The following IRAG2 variants were observed in gnomAD, a reference collection of about 807,000 sequenced individuals.
IRAG2 encodes inositol 1,4,5-triphosphate receptor associated 2.
Under a neutral mutation model 69.9 loss-of-function variants are expected in IRAG2, and 45 were observed. The ratio of observed to expected loss-of-function variants is 0.64; its 90% CI spans 0.51 to 0.83. The LOEUF is 0.83. Among genes scored for constraint, IRAG2 ranks in the 40% least tolerant of loss-of-function variants. The pLI is 0.00. For missense variants in IRAG2, 520 were observed against 587.0 expected (o/e 0.89, Z 1.18); for synonymous variants, 193 against 202.4 (o/e 0.95, Z 0.40).
chr12:25,053,830 G>A (rs2139897501), intron 1 of IRAG2, among the ~76,000 whole-genome samples: 1 of 151,288 alleles, frequency 6.6e-6, no homozygotes, highest in East Asian at 1.9e-4. Flanking sequence ...CTTAAGGTAG[G>A]CTAGAGATGA....
At chr12:25,090,816 G>A (rs771326613) in intron 14 of IRAG2, 76 of 451,490 alleles carry the variant, frequency 1.7e-4, no homozygotes, top group Middle Eastern at 6.6e-4. Context: ...CAAATTTCAG[G>A]CAGAAAAGGA....
intron 1 of IRAG2, among the ~76,000 whole-genome samples, chr12:25,060,920 G>A (rs1945589745): frequency 6.6e-6 from 1 of 151,736 alleles, no homozygotes; most frequent in Non-Finnish European, 1.5e-5. Context: ...CACCCACCTT[G>A]GTCTCTCAAA....
intron 20 of IRAG2, among the ~76,000 whole-genome samples, chr12:25,105,312 G>A (rs533133857): frequency 3.7e-4 from 56 of 152,110 alleles, no homozygotes; most frequent in Middle Eastern, 6.8e-3. Context: ...TCCTGACCTC[G>A]TGATCCGCCC....
chr12:25,067,706 G>C (rs1440451694), intron 5 of IRAG2, among the ~76,000 whole-genome samples: 1 of 148,074 alleles, frequency 6.8e-6, no homozygotes, highest in Non-Finnish European at 1.5e-5. Context: ...ATCTCACTCT[G>C]TCACCCAGGC....
Position 25,083,435 on chromosome 12 carries a change from C to T in IRAG2, c.257C>T (p.Ala86Val), listed in dbSNP as rs377467286. The T allele has an allele frequency of 6.2e-6, 10 of 1,610,954 alleles. No individual in the cohort carries two copies. The Admixed American group carries it at 1.7e-4, about 27-fold the overall frequency. Residue 86 changes from alanine (A) to valine (V), a missense_variant, in exon 10 of 22, where the codon GCT becomes GTT. By Grantham distance (64) the Ala-to-Val change is moderately conservative. Transcript: ENST00000556887. ...PTIEAQGTSP[A>V]HDNIAFQDST... ...CTGTTTCTCACAGGCACAAGTCCAG[C>T]TCATGATAATATTGCATTCCAAGAC...
chr12:25,087,180 T>TTGTTG (rs1555141786), intron 10 of IRAG2, among the ~76,000 whole-genome samples: 1 of 125,170 alleles, frequency 8.0e-6, no homozygotes, highest in African/African-American at 3.1e-5. Context: ...TTTTTTTTTT[T>TTGTTG]TTGTTGAGAC....
chr12:25,091,399 G>C (rs561658635), intron 14 of IRAG2, among the ~76,000 whole-genome samples: 1 of 152,200 alleles, frequency 6.6e-6, no homozygotes, highest in East Asian at 1.9e-4. Flanking sequence ...TGTCTTCAAG[G>C]CTTATCCATA....
intron 6 of IRAG2, chr12:25,075,633 C>G (rs551649427): frequency 2.0e-4 from 31 of 151,700 alleles, no homozygotes; most frequent in African/African-American, 7.5e-4. Context: ...CTTTTGCTAC[C>G]CCACCCTACA....
intron 6 of IRAG2, among the ~76,000 whole-genome samples, chr12:25,017,729 C>A (rs1172641956): frequency 1.3e-5 from 2 of 150,280 alleles, no homozygotes; most frequent in Non-Finnish European, 3.0e-5. Context: ...AAAAAAAAAC[C>A]AACAAAAAAA....
chr12:25,078,134 A>G (rs1946951816), intron 6 of IRAG2, among the ~76,000 whole-genome samples: 1 of 152,188 alleles, frequency 6.6e-6, no homozygotes, highest in African/African-American at 2.4e-5. Context: ...TCATTTCATT[A>G]CCTGTAATAA....
intron 9 of IRAG2, among the ~76,000 whole-genome samples, chr12:25,080,126 G>A (rs571940424): frequency 1.3e-5 from 2 of 152,204 alleles, no homozygotes; most frequent in South Asian, 4.1e-4. Flanking sequence ...ATCCTAGTTC[G>A]AATTTATCAG....
At chr12:25,103,694 C>G (rs1254741829) in intron 17 of IRAG2, 143 bp from the exon 18 acceptor site, 1 of 590,722 alleles carries the variant, frequency 1.7e-6, no homozygotes, top group Non-Finnish European at 2.9e-6. Context: ...AATTTGGCCA[C>G]AAGAGGATCC....
intron 10 of IRAG2, among the ~76,000 whole-genome samples, chr12:25,087,180 T>TTTTTTTTTTTTTTTTTTG (rs1450270058): frequency 8.0e-6 from 1 of 125,170 alleles, no homozygotes; most frequent in African/African-American, 3.1e-5. Context: ...TTTTTTTTTT[T>TTTTTTTTTTTTTTTTTTG]TTGTTGAGAC....
chr12:25,032,445 A>C (rs553879245), intron 12 of IRAG2: 18 of 398,480 alleles, frequency 4.5e-5, no homozygotes, highest in South Asian at 1.3e-4. Context: ...TGAGCTTTGT[A>C]TGTGCCACAT....
At chr12:25,070,756 A>T (rs1946290559) in intron 6 of IRAG2, among the ~76,000 whole-genome samples, 1 of 152,218 alleles carries the variant, frequency 6.6e-6, no homozygotes, top group African/African-American at 2.4e-5. Context: ...CATTTCCAAC[A>T]GCAATGTATG....
At chr12:25,008,376 G>A (rs1443972261) in intron 2 of IRAG2, among the ~76,000 whole-genome samples, 1 of 152,004 alleles carries the variant, frequency 6.6e-6, no homozygotes, top group African/African-American at 2.4e-5. Context: ...CCAAGGTGGA[G>A]GCTCTGCTTG....
At chr12:25,019,964 T>G (rs1944564755) in intron 6 of IRAG2, among the ~76,000 whole-genome samples, 1 of 152,224 alleles carries the variant, frequency 6.6e-6, no homozygotes, top group Non-Finnish European at 1.5e-5. Context: ...GATTGTCTGT[T>G]TACCCCACTA....
chr12:25,057,148 A>T (rs1266684459), intron 1 of IRAG2, among the ~76,000 whole-genome samples: 3 of 151,882 alleles, frequency 2.0e-5, no homozygotes, highest in Admixed American at 6.6e-5. Flanking sequence ...TGAGTGATGC[A>T]TGTGATCTTC....
intron 21 of IRAG2, 130 bp from the exon 22 acceptor site, chr12:25,107,687 C>T: frequency 1.3e-6 from 1 of 785,982 alleles, no homozygotes; most frequent in South Asian, 1.8e-5. Flanking sequence ...AATGATAAAT[C>T]ATAATATGTA....
Sources: allele counts gnomAD v4.1 joint callset (sites outside exome capture counted in the v4.1 genomes callset), GRCh38; gene constraint gnomAD v4.1.1; transcripts MANE v1.5; gene names NCBI Gene and HGNC (gene_info 2026-07-23, HGNC 2026-07-21).